Variants in ANXA4 observed in about 807,000 individuals in gnomAD.
ANXA4 encodes annexin A4.
ANXA4 carries 39 observed loss-of-function variants against 49.8 expected under a neutral mutation model. The ratio of observed to expected loss-of-function variants is 0.78; its 90% CI spans 0.61 to 1.02. The LOEUF (loss-of-function observed/expected upper bound fraction) is 1.02. Among genes scored for constraint, ANXA4 ranks in the 50% least tolerant of loss-of-function variants. The probability of loss-of-function intolerance (pLI) is 0.00; values close to 1 mark genes in which losing one functional copy is unlikely to be tolerated. For synonymous variants in ANXA4, 134 were observed against 152.5 expected, an observed-to-expected ratio of 0.88 and a Z score of 0.89; for missense variants, 360 against 410.1, an observed-to-expected ratio of 0.88 and a Z score of 1.05.
chr2:69,749,872 G>A (rs1045904222), intron 1 of ANXA4, among the ~76,000 whole-genome samples: 5 of 151,292 alleles, frequency 3.3e-5, no homozygotes, highest in South Asian at 4.2e-4. Flanking sequence ...GCAGTGAGCC[G>A]AGATCATGCC....
intron 1 of ANXA4, among the ~76,000 whole-genome samples, chr2:69,760,751 C>G (rs948480294): frequency 1.3e-5 from 2 of 152,124 alleles, no homozygotes; most frequent in African/African-American, 4.8e-5. Context: ...AAGAGATAGT[C>G]TGACCATTCA....
intron 3 of ANXA4, among the ~76,000 whole-genome samples, chr2:69,798,920 G>A (rs1673064931): frequency 6.6e-6 from 1 of 152,182 alleles, no homozygotes; most frequent in African/African-American, 2.4e-5. Flanking sequence ...CACACATCGA[G>A]TGAGTTTGGA....
At chr2:69,719,331 A>G (rs1223854229) in intron 2 of ANXA4, among the ~76,000 whole-genome samples, 2 of 142,632 alleles carry the variant, frequency 1.4e-5, no homozygotes, top group Non-Finnish European at 3.0e-5. Flanking sequence ...ATGATAGTGC[A>G]ACCATAGCAC....
upstream of ANXA4, among the ~76,000 whole-genome samples, chr2:69,644,211 C>G (rs1675908240): frequency 7.6e-6 from 1 of 131,794 alleles, no homozygotes; most frequent in Non-Finnish European, 1.6e-5. Flanking sequence ...CTGGAGCCAT[C>G]TTATTTGCGG....
chr2:69,804,809 A>G (rs3771540), intron 4 of ANXA4, among the ~76,000 whole-genome samples, 182 bp downstream of exon 4: 90,120 of 151,810 alleles, frequency 0.59, 29,159 homozygotes, highest in African/African-American at 0.85. Flanking sequence ...ACTTTGGGAG[A>G]CCGAGGTGGG....
At chr2:69,734,540 A>G (rs1386467806) in intron 3 of ANXA4, among the ~76,000 whole-genome samples, 1 of 152,200 alleles carries the variant, frequency 6.6e-6, no homozygotes, top group Admixed American at 6.5e-5. Context: ...TGAACAAAGA[A>G]GTTTTGCAAC....
At chr2:69,757,609 T>A (rs1371768700) in intron 1 of ANXA4, among the ~76,000 whole-genome samples, 1 of 151,540 alleles carries the variant, frequency 6.6e-6, no homozygotes, top group African/African-American at 2.4e-5. Flanking sequence ...TCCCAAGAAG[T>A]AGAATTCTTG....
intron 3 of ANXA4, among the ~76,000 whole-genome samples, chr2:69,801,124 T>G (rs564785662): frequency 6.6e-6 from 1 of 152,322 alleles, no homozygotes; most frequent in East Asian, 1.9e-4. Context: ...GTTTTCAGCC[T>G]GAGCTGTACT....
chr2:69,824,092 AAAAT>A (rs1356792099), intron 12 of ANXA4, among the ~76,000 whole-genome samples: 1 of 152,080 alleles, frequency 6.6e-6, no homozygotes, highest in African/African-American at 2.4e-5. Context: ...AAATATAATA[AAAAT>A]AAATAAATAA....
intron 10 of ANXA4, among the ~76,000 whole-genome samples, chr2:69,819,064 T>C (rs1336061925): frequency 6.6e-6 from 1 of 152,224 alleles, no homozygotes; most frequent in African/African-American, 2.4e-5. Flanking sequence ...ACTTTATCAA[T>C]TACTTCTCCA....
At position 69,810,650 on chromosome 2, in the gene ANXA4, C is replaced by T. The variant is rs1406802423; in HGVS notation, c.454C>T (p.Arg152Ter). 1.2e-6 allele frequency: 2 copies of T among 1,614,018 alleles called. No individual in the cohort carries two copies. Among genetic ancestry groups the T allele is most frequent in the Non-Finnish European group, 1.7e-6 (2 of 1,179,926 alleles). ...CTCTGACACATCGTTCATGTTCCAG[C>T]GAGTGCTGGTGTCTCTGTCAGCTGT... ...IRSDTSFMFQ[R>*]VLVSLSAGGR... is the part of the protein sequence containing the mutation. The change falls in exon 7 of 13, where the codon CGA (arginine) becomes TGA (stop). Residue 152 changes from arginine (R) to a stop codon, truncating the protein, a stop_gained. Transcript: ENST00000394295. LOFTEE classifies it high-confidence loss of function.
chr2:69,699,374 C>T (rs1678260315), intron 2 of ANXA4, among the ~76,000 whole-genome samples: 1 of 152,106 alleles, frequency 6.6e-6, no homozygotes, highest in Non-Finnish European at 1.5e-5. Flanking sequence ...GGTGTGGTGG[C>T]TCATGTCTGT....
At chr2:69,694,341 T>C (rs1367953655) in intron 2 of ANXA4, among the ~76,000 whole-genome samples, 2 of 151,212 alleles carry the variant, frequency 1.3e-5, no homozygotes, top group Non-Finnish European at 2.9e-5. Flanking sequence ...TTGACTTTGA[T>C]CCAGAACAGT....
chr2:69,791,326 C>T (rs1487510343), intron 3 of ANXA4, among the ~76,000 whole-genome samples: 1 of 152,224 alleles, frequency 6.6e-6, no homozygotes, highest in African/African-American at 2.4e-5. Context: ...GAAATATACC[C>T]TTCTAGTCAA....
intron 2 of ANXA4, among the ~76,000 whole-genome samples, chr2:69,709,777 C>T (rs1266655117): frequency 6.6e-6 from 1 of 152,136 alleles, no homozygotes; most frequent in Non-Finnish European, 1.5e-5. Context: ...TTAATAGTAT[C>T]ACGAATCATT....
intron 3 of ANXA4, among the ~76,000 whole-genome samples, chr2:69,724,648 A>G (rs1417113490): frequency 3.3e-5 from 5 of 152,024 alleles, no homozygotes. Context: ...CCGGCAGTCC[A>G]CTAGTGGAGA....
chr2:69,770,499 C>T (rs1671662483), intron 1 of ANXA4, among the ~76,000 whole-genome samples: 1 of 152,210 alleles, frequency 6.6e-6, no homozygotes. Flanking sequence ...TGCCACAAGG[C>T]TGGCAGGTCC....
chr2:69,715,436 G>A (rs536913757), intron 2 of ANXA4, among the ~76,000 whole-genome samples: 1 of 152,230 alleles, frequency 6.6e-6, no homozygotes, highest in East Asian at 1.9e-4. Context: ...TTGAACTCCT[G>A]GTCTCAAGTG....
intron 9 of ANXA4, chr2:69,816,464 T>C: frequency 3.0e-6 from 1 of 329,550 alleles, no homozygotes; most frequent in East Asian, 5.5e-5. Context: ...TCACAGTCAG[T>C]CCTTTTTCTA....
Sources: gnomAD v4.1 joint callset for allele counts (sites outside exome capture counted in the v4.1 genomes callset) on GRCh38, gnomAD v4.1.1 for gene constraint, MANE v1.5 for transcripts, NCBI Gene and HGNC (gene_info 2026-07-23, HGNC 2026-07-21) for gene names.